Variants in AP1M2 observed in about 807,000 individuals in gnomAD.
AP1M2 encodes adaptor related protein complex 1 subunit mu 2.
Under a neutral mutation model 54.6 loss-of-function variants are expected in AP1M2, and 41 were observed. That is an observed-to-expected ratio of 0.75 (90% confidence interval 0.59 to 0.97). The LOEUF (loss-of-function observed/expected upper bound fraction) is 0.97. Ranked by LOEUF, AP1M2 falls within the 50% of genes least tolerant of loss-of-function variation. The pLI is 0.00. For synonymous variants in AP1M2, 219 were observed against 215.9 expected (o/e 1.01, Z -0.13); for missense variants, 507 against 561.2 (o/e 0.90, Z 0.98).
rs1379433839 is a variant in AP1M2 at position 10,581,819 on chromosome 19, G to A, written c.327C>T (p.Ile109=). ...TGAGCTCGTCCAGCAACTCGTAGAC[G>A]ATGACAAAGTTGTCCCGGATGCTCT... The part of the protein sequence containing the change: ...EEESIRDNFV[I]VYELLDELMD... Residue 109 remains isoleucine (I), a synonymous_variant, in exon 4 of 12, where the codon ATC becomes ATT. Transcript: ENST00000250244. 11 of 1,613,846 alleles carry A rather than the reference G, an allele frequency of 6.8e-6. No individual in the cohort carries two copies. The highest frequency in any genetic ancestry group is 1.6e-4 in the Middle Eastern group (1 of 6,084).
chr19:10,577,423 C>CCCTTTT, intron 8 of AP1M2, 67 bp from the exon 9 acceptor site: 1 of 367,844 alleles, frequency 2.7e-6, no homozygotes, highest in Non-Finnish European at 4.1e-6. Flanking sequence ...TTACCAAGCC[C>CCCTTTT]TTTTTTTTTT....
At position 10,583,898 on chromosome 19, in the gene AP1M2, C is replaced by T. The variant is rs746619843; in HGVS notation, c.199+16G>A. On this transcript the variant is annotated intron_variant, in intron 2 of 11. Coordinates refer to ENST00000250244, the MANE Select transcript of AP1M2 (RefSeq NM_005498.5). ...CCCCCACACCCACCTCCAGGGACAC[C>T]ACGTGGGGTGGATACAGTAGAGGTT... The T allele has an allele frequency of 7.6e-6, 12 of 1,586,870 alleles. No homozygotes were observed. Among genetic ancestry groups the T allele is most frequent in the Non-Finnish European group, 1.0e-5 (12 of 1,166,526 alleles).
In AP1M2 at chr19:10,583,616, T is replaced by TTATA; in HGVS notation, c.253_256dup (p.Lys86IlefsTer2). 1 of 1,611,820 alleles carries TTATA rather than the reference T, an allele frequency of 6.2e-7. No homozygotes were observed. Among genetic ancestry groups the TTATA allele is most frequent in the Non-Finnish European group, 8.5e-7 (1 of 1,178,248 alleles). On this transcript the variant is annotated stop_gained and frameshift_variant, in exon 3 of 12. Transcript: ENST00000250244. LOFTEE classifies it high-confidence loss of function. ...GAGGCTAGTACCTACCTCTATTGTC[T>TTATA]TATACAGGAAGGAGTACACCAGGGA...
At chr19:10,577,453 A>C (rs1385780897) in intron 8 of AP1M2, 97 bp from the exon 9 acceptor site, 1 of 541,002 alleles carries the variant, frequency 1.8e-6, no homozygotes, top group African/African-American at 7.2e-5. Flanking sequence ...TTTTTTTTTG[A>C]GACGGAGTCT....
At position 10,574,462 on chromosome 19, in the gene AP1M2, C is replaced by G. The variant is rs1226567077; in HGVS notation, c.1204G>C (p.Gly402Arg). ...VRYMKIIEKSGYQALPWVRYI... is the reference protein window; with the variant it reads ...VRYMKIIEKSRYQALPWVRYI... The stretch of plus-strand genomic sequence containing the variant: ...CGAACCCAGGGCAGGGCCTGGTAAC[C>G]ACTTTTCTCAATGATCTTCATGTAT... Residue 402 changes from glycine (G) to arginine (R), a missense_variant, in exon 11 of 12, where the codon GGT becomes CGT. By Grantham distance (125) the Gly-to-Arg change is moderately radical. Coordinates refer to ENST00000250244, the MANE Select transcript of AP1M2 (RefSeq NM_005498.5). 1.3e-6 allele frequency: 2 copies of G among 1,564,638 alleles called. No homozygotes were observed. Among genetic ancestry groups the G allele is most frequent in the Non-Finnish European group, 8.7e-7 (1 of 1,154,728 alleles).
At chr19:10,583,875 C>T (rs1044892669) in intron 2 of AP1M2, 39 bp downstream of exon 2, 2 of 1,567,842 alleles carry the variant, frequency 1.3e-6, no homozygotes, top group Non-Finnish European at 1.7e-6. Flanking sequence ...GCCGACAGCC[C>T]CCACACCCAC....
At chr19:10,579,279 G>T (rs12460574) in intron 7 of AP1M2, among the ~76,000 whole-genome samples, 1 of 151,720 alleles carries the variant, frequency 6.6e-6, no homozygotes, top group Non-Finnish European at 1.5e-5. Flanking sequence ...AGCTGGACAC[G>T]GTGGCATGCG....
At position 10,582,470 on chromosome 19, in the gene AP1M2, G is replaced by T. The variant is rs992213936; in HGVS notation, c.268-592C>A. ...AGCCCCTGTCTCAAAAAGAAAAAAG[G>T]CCGGGCATGGTGGCTCATGCCTGTA... On this transcript the variant is annotated intron_variant, in intron 3 of 11. Coordinates refer to ENST00000250244, the MANE Select transcript of AP1M2 (RefSeq NM_005498.5). Among the ~76,000 whole-genome samples the T allele has an allele frequency of 4.6e-5, 7 of 151,178 alleles. No homozygotes were observed. The East Asian group carries it at 9.9e-4, about 21-fold the overall frequency.
intron 6 of AP1M2, 101 bp from the exon 7 acceptor site, chr19:10,579,959 G>A: frequency 1.6e-6 from 2 of 1,243,994 alleles, no homozygotes; most frequent in Non-Finnish European, 2.2e-6. Context: ...TCACATATGG[G>A]GAAACTGGGG....
intron 10 of AP1M2, 52 bp from the exon 11 acceptor site, chr19:10,574,544 G>A: frequency 6.8e-7 from 1 of 1,466,834 alleles, no homozygotes; most frequent in African/African-American, 1.4e-5. Context: ...GAGGAGGCCA[G>A]GGCCAGGGAG....
Position 10,573,099 on chromosome 19 carries a change from A to C in AP1M2, c.1250-11T>G. 6.4e-7 allele frequency: 1 copy of C among 1,561,726 alleles called. No homozygotes were observed. The highest frequency in any genetic ancestry group is 1.2e-5 in the South Asian group (1 of 84,656). On this transcript the variant is annotated splice_polypyrimidine_tract_variant and intron_variant, in intron 11 of 11. Coordinates refer to ENST00000250244, the MANE Select transcript of AP1M2 (RefSeq NM_005498.5). The stretch of plus-strand genomic sequence containing the variant: ...TACGAAGTTGGTAATCTGCAGAGAA[A>C]GAATGAGGAGGGGCCATCTCAGAAA...
intron 1 of AP1M2, among the ~76,000 whole-genome samples, chr19:10,586,667 C>T (rs985492844): frequency 2.6e-5 from 4 of 151,630 alleles, no homozygotes; most frequent in African/African-American, 7.3e-5. Context: ...CCAGGAATTC[C>T]AGGCTGCAGT....
chr19:10,581,380 C>T lies in AP1M2; in HGVS notation c.559G>A (p.Gly187Ser), dbSNP rs746592679. 17 of 1,612,056 alleles carry T rather than the reference C, an allele frequency of 1.1e-5. No homozygotes were observed. In the East Asian group the frequency reaches 3.6e-4, roughly 34 times the overall value. ...ACGATTTCGCTCAGAAGGACGCTGC[C>T]GTTGGCATTGACCTGAGGGAGGACG... ...ESVNLLVNAN[G>S]SVLLSEIVGT... The change falls in exon 6 of 12, where the codon GGC becomes AGC. Residue 187 changes from glycine (G) to serine (S), a missense_variant. Gly to Ser is a moderately conservative substitution (Grantham distance 56). Coordinates refer to ENST00000250244, the MANE Select transcript of AP1M2 (RefSeq NM_005498.5).
chr19:10,583,164 C>T (rs188560676), intron 3 of AP1M2, among the ~76,000 whole-genome samples: 2 of 151,546 alleles, frequency 1.3e-5, no homozygotes, highest in African/African-American at 2.4e-5. Flanking sequence ...CAAGAAGTCA[C>T]TTGCTCAAGG....
chr19:10,575,447 G>A (rs10403668), intron 9 of AP1M2, among the ~76,000 whole-genome samples: 20,279 of 151,984 alleles, frequency 0.13, 1,515 homozygotes, highest in Middle Eastern at 0.18. Flanking sequence ...CAAGATCATG[G>A]GGACAAACCA....
intron 1 of AP1M2, among the ~76,000 whole-genome samples, chr19:10,585,263 G>GAAAGAAGAAAGAA (rs1244854476): frequency 2.8e-5 from 2 of 71,316 alleles, no homozygotes; most frequent in African/African-American, 4.9e-5. Context: ...AAGGAAAGAA[G>GAAAGAAGAAAGAA]GAAAGAAAGA....
intron 9 of AP1M2, among the ~76,000 whole-genome samples, chr19:10,575,954 T>C (rs917266043): frequency 5.4e-5 from 8 of 148,876 alleles, no homozygotes; most frequent in African/African-American, 2.0e-4. Context: ...TTTGTATTTT[T>C]AGTAGAGACG....
intron 7 of AP1M2, 52 bp from the exon 8 acceptor site, chr19:10,579,015 C>CA: frequency 1.3e-6 from 1 of 742,752 alleles, no homozygotes; most frequent in Non-Finnish European, 2.0e-6. Context: ...TGACTCTCTT[C>CA]TTTTTTTTTT....
chr19:10,577,432 T>TC (rs1917278695), intron 8 of AP1M2, 76 bp from the exon 9 acceptor site: 1 of 1,008,560 alleles, frequency 9.9e-7, no homozygotes, highest in South Asian at 2.2e-5. Context: ...CCTTTTTTTT[T>TC]TTTTTTTTTT....
Sources: gnomAD v4.1 joint callset for allele counts (sites outside exome capture counted in the v4.1 genomes callset) on GRCh38, gnomAD v4.1.1 for gene constraint, MANE v1.5 for transcripts, NCBI Gene and HGNC (gene_info 2026-07-23, HGNC 2026-07-21) for gene names.